Variants in RHAG observed in about 807,000 individuals in gnomAD.
RHAG encodes the protein ammonium transporter Rh type A.
In RHAG, 25 loss-of-function variants were observed where a neutral mutation model predicts 42.4. That is an observed-to-expected ratio of 0.59 (90% CI 0.43 to 0.82). The LOEUF is 0.82. RHAG is among the 40% of genes least tolerant of loss of function. The pLI, the probability that RHAG is intolerant of heterozygous loss-of-function variation, is 0.00. For missense variants in RHAG, 483 were observed against 504.6 expected (o/e 0.96, Z 0.41); for synonymous variants, 182 against 177.7 (o/e 1.02, Z -0.19).
Position 49,618,188 on chromosome 6 carries a change from T to G in RHAG, c.372A>C (p.Thr124=), listed in dbSNP as rs763100365. ...NMINADFSAA[T]VLISFGAVLG... ...GGACAGCTCCAAAAGATATCAGAACTGTGGCTGCACTGAAGTCTGCATTTA... is the reference window on the plus strand; with the variant it reads ...GGACAGCTCCAAAAGATATCAGAACGGTGGCTGCACTGAAGTCTGCATTTA... The change falls in exon 3 of 10, where the codon ACA becomes ACC. Residue 124 remains threonine, a synonymous_variant. Transcript: ENST00000371175. The G allele has an allele frequency of 1.2e-6, 2 of 1,614,172 alleles. No homozygotes were observed. The highest frequency in any genetic ancestry group is 1.7e-6 in the Non-Finnish European group (2 of 1,180,028).
In RHAG at chr6:49,605,661, CACTCTGGTCCAT is replaced by C; in HGVS notation, c.*140_*151del. On this transcript the variant is annotated 3_prime_UTR_variant, in exon 10 of 10. Coordinates refer to ENST00000371175, the MANE Select transcript of RHAG (RefSeq NM_000324.3). ...GGCCATTTGGGACTTAGGATCTATTCACTCTGGTCCATACTCTCTTTGGTTACTCCCTTTTTG... is the reference window on the plus strand; with the variant it reads ...GGCCATTTGGGACTTAGGATCTATTCACTCTCTTTGGTTACTCCCTTTTTG... 1 of 769,808 alleles carries C rather than the reference CACTCTGGTCCAT, an allele frequency of 1.3e-6. No individual in the cohort carries two copies. The highest frequency in any genetic ancestry group is 1.4e-5 in the South Asian group (1 of 71,334). 47.7% of individuals were successfully genotyped at this position (769,808 alleles called of 1,614,324 possible). A position where few individuals can be genotyped will look rare whatever the true frequency, so the allele number is the denominator to read the frequency against.
In RHAG at chr6:49,630,902, C is replaced by T. The variant is rs542792106; in HGVS notation, c.157+5754G>A. On this transcript the variant is annotated intron_variant, in intron 1 of 9. Transcript: ENST00000371175. ...ATTAATTATTCACTCAAGTTTCATA[C>T]ATTTTCTTTGTCATGTGTCTTTAGA... 1.1e-3 allele frequency among the ~76,000 whole-genome samples: 164 copies of T among 152,282 alleles called. 4 individuals carry two copies. The highest frequency in any genetic ancestry group is 3.7e-3 in the African/African-American group (155 of 41,566).
At chr6:49,627,216 C>G (rs537550950) in intron 1 of RHAG, among the ~76,000 whole-genome samples, 2 of 152,186 alleles carry the variant, frequency 1.3e-5, no homozygotes, top group Non-Finnish European at 2.9e-5. Flanking sequence ...CATCATCAGG[C>G]CGAAAATTTT....
At chr6:49,632,752 G>A (rs6941046) in intron 1 of RHAG, among the ~76,000 whole-genome samples, 144,092 of 152,210 alleles carry the variant, frequency 0.95, 68,233 homozygotes, top group East Asian at 1. Context: ...TTAAATACCT[G>A]GCATCTGTGG....
At chr6:49,635,123 T>C (rs1562022043) in intron 1 of RHAG, among the ~76,000 whole-genome samples, 2 of 151,476 alleles carry the variant, frequency 1.3e-5, no homozygotes, top group Admixed American at 1.3e-4. Context: ...CCAAAAATTA[T>C]ACATCTATAG....
chr6:49,615,654 C>A lies in RHAG; in HGVS notation c.610G>T (p.Ala204Ser). ...ATTGCAAACAAGTCTGAGTAGTATGCGGACTCTTCATTTTCATGCCCCTTT... is the reference window on the plus strand; with the variant it reads ...ATTGCAAACAAGTCTGAGTAGTATGAGGACTCTTCATTTTCATGCCCCTTT... ...LRKGHENEES[A>S]YYSDLFAMIG... The change falls in exon 4 of 10, where the codon GCA becomes TCA. Residue 204 changes from alanine to serine, a missense_variant. Physicochemically the swap from Ala to Ser is moderately conservative, Grantham distance 99. Transcript: ENST00000371175. 1.2e-6 allele frequency: 2 copies of A among 1,614,044 alleles called. No homozygotes were observed. The highest frequency in any genetic ancestry group is 1.7e-6 in the Non-Finnish European group (2 of 1,179,972).
At chr6:49,617,938 G>T in intron 3 of RHAG, 130 bp downstream of exon 3, 2 of 781,984 alleles carry the variant, frequency 2.6e-6, no homozygotes, top group Non-Finnish European at 4.3e-6. Context: ...GTAAATGATG[G>T]TTATTGTTAC....
Position 49,614,765 on chromosome 6 carries a change from C to T in RHAG, c.729G>A (p.Thr243=), listed in dbSNP as rs376030876. The change falls in exon 5 of 10, where the codon ACG becomes ACA. Residue 243 remains threonine, a synonymous_variant. Coordinates refer to ENST00000371175, the MANE Select transcript of RHAG (RefSeq NM_000324.3). The part of the protein sequence containing the change: ...GDKQCRAIVN[T]YFSLAACVLT... Reference sequence around the variant, plus strand: ...GCACACAGGCAGCGAGAGAGAAGTACGTGTTTACAATGGCCCTGCACTGTT... The same window carrying T: ...GCACACAGGCAGCGAGAGAGAAGTATGTGTTTACAATGGCCCTGCACTGTT... 2.0e-5 allele frequency: 32 copies of T among 1,613,928 alleles called. No individual in the cohort carries two copies. The highest frequency in any genetic ancestry group is 1.6e-4 in the Middle Eastern group (1 of 6,080).
At chr6:49,606,818 C>T (rs9473621) in intron 9 of RHAG, 30 bp downstream of exon 9, 87,794 of 1,427,654 alleles carry the variant, frequency 0.061, 4,146 homozygotes, top group African/African-American at 0.24. Flanking sequence ...AGTCATCGTT[C>T]ACATTCTTGT....
In RHAG at chr6:49,615,791, T is replaced by C. The variant is rs765420274; in HGVS notation, c.493-20A>G. 3.1e-6 allele frequency: 5 copies of C among 1,613,322 alleles called. No individual in the cohort carries two copies. In the South Asian group the frequency reaches 5.5e-5, roughly 18 times the overall value. Reference sequence around the variant, plus strand: ...AGAGGCCTGAGGGACAAAATAGCATTCACATAAATAGAGGTGAACCTGAGA... The same window carrying C: ...AGAGGCCTGAGGGACAAAATAGCATCCACATAAATAGAGGTGAACCTGAGA... On this transcript the variant is annotated intron_variant, in intron 3 of 9. Coordinates refer to ENST00000371175, the MANE Select transcript of RHAG (RefSeq NM_000324.3).
chr6:49,617,300 C>T (rs1762672090), intron 3 of RHAG, among the ~76,000 whole-genome samples: 1 of 152,160 alleles, frequency 6.6e-6, no homozygotes, highest in Non-Finnish European at 1.5e-5. Context: ...ATCTAATCTT[C>T]CAGTTACACT....
rs144579653 is a variant in RHAG at position 49,611,443 on chromosome 6, A to G, written c.946-298T>C. 4.6e-3 allele frequency among the ~76,000 whole-genome samples: 696 copies of G among 152,300 alleles called. 3 individuals are homozygous for G. Among genetic ancestry groups the G allele is most frequent in the Non-Finnish European group, 5.8e-3 (395 of 68,024 alleles). On this transcript the variant is annotated intron_variant, in intron 6 of 9. Transcript: ENST00000371175. ...TAGAATAAATTCTATGTACAGATAT[A>G]TAGTACAATTTTACTACCTATAATC...
At chr6:49,621,543 C>T (rs771803944) in intron 1 of RHAG, among the ~76,000 whole-genome samples, 1 of 152,212 alleles carries the variant, frequency 6.6e-6, no homozygotes, top group African/African-American at 2.4e-5. Context: ...TACCCTAGAA[C>T]TGAGATTTTA....
At chr6:49,618,014 T>G in intron 3 of RHAG, 54 bp downstream of exon 3, 1 of 1,555,748 alleles carries the variant, frequency 6.4e-7, no homozygotes, top group Non-Finnish European at 8.8e-7. Flanking sequence ...ATTGTTTTTT[T>G]GTAGCCAGAA....
chr6:49,634,491 G>A (rs996396293), intron 1 of RHAG, among the ~76,000 whole-genome samples: 20 of 152,036 alleles, frequency 1.3e-4, no homozygotes, highest in Non-Finnish European at 1.2e-4. Flanking sequence ...TCAGTATATT[G>A]AAGAGAAAGA....
At chr6:49,628,947 C>G (rs1334913476) in intron 1 of RHAG, among the ~76,000 whole-genome samples, 1 of 152,208 alleles carries the variant, frequency 6.6e-6, no homozygotes, top group African/African-American at 2.4e-5. Flanking sequence ...CCACTGCTGG[C>G]TCAGGTAGCC....
In RHAG at chr6:49,608,878, A is replaced by C. The variant is rs544525581; in HGVS notation, c.1068-1658T>G. ...TGAGTATTTTATATATACTTATTTG[A>C]TTTTCTTCTTTTGTAAATTTCCTGT... On this transcript the variant is annotated intron_variant, in intron 7 of 9. Coordinates refer to ENST00000371175, the MANE Select transcript of RHAG (RefSeq NM_000324.3). Among the ~76,000 whole-genome samples the C allele has an allele frequency of 4.0e-5, 6 of 151,824 alleles. No individual in the cohort carries two copies. In the East Asian group the frequency reaches 1.2e-3, roughly 29 times the overall value.
intron 1 of RHAG, among the ~76,000 whole-genome samples, chr6:49,631,394 T>G (rs1762934128): frequency 6.6e-6 from 1 of 152,366 alleles, no homozygotes; most frequent in African/African-American, 2.4e-5. Context: ...ATTAGTATTC[T>G]TCTATAAAGA....
intron 5 of RHAG, among the ~76,000 whole-genome samples, 192 bp from the exon 6 acceptor site, chr6:49,612,726 C>G (rs372056341): frequency 6.6e-6 from 1 of 152,202 alleles, no homozygotes; most frequent in South Asian, 2.1e-4. Flanking sequence ...TGGTATCTTT[C>G]TTGCCGGTCC....
Sources: allele counts gnomAD v4.1 joint callset (sites outside exome capture counted in the v4.1 genomes callset), GRCh38; gene constraint gnomAD v4.1.1; transcripts MANE v1.5; gene names NCBI Gene and HGNC (gene_info 2026-07-23, HGNC 2026-07-21).